Variants in TDRD1 observed in about 807,000 individuals in gnomAD.
TDRD1 encodes the protein tudor domain containing 1, also known as tudor domain-containing protein 1.
A neutral mutation model predicts 140.6 loss-of-function variants in TDRD1; 37 were observed. That is an observed-to-expected ratio of 0.26 (90% CI 0.20 to 0.35). TDRD1 has a LOEUF of 0.35. TDRD1 is among the 10% of genes least tolerant of loss of function. TDRD1 has a pLI of 1.00. For missense variants in TDRD1, 1,243 were observed against 1,393.0 expected (o/e 0.89, Z 1.71); for synonymous variants, 506 against 475.7 (o/e 1.06, Z -0.83).
In TDRD1 at chr10:114,227,959, A is replaced by G. The variant is rs769483544; in HGVS notation, c.3450+3A>G. 41 of 1,613,490 alleles carry G rather than the reference A, an allele frequency of 2.5e-5. No individual in the cohort carries two copies. Among genetic ancestry groups the G allele is most frequent in the Non-Finnish European group, 3.5e-5 (41 of 1,179,522 alleles). On this transcript the variant is annotated splice_donor_region_variant and intron_variant, in intron 24 of 25. Coordinates refer to ENST00000251864, the Ensembl canonical transcript of TDRD1. ...GCTGCACAGAGTTACAGAAACAAGT[A>G]GGTAAAATTTCCTTTAAGTGAAATT...
rs535740741 is a variant in TDRD1 at position 114,199,512 on chromosome 10, C to T, written c.529+195C>T. ...CTTCCCATTCTTCCTGCTTCCTCAG[C>T]GGATTATTATAGTTTTTTAGGGGAA... is the stretch of plus-strand genomic sequence containing the variant. On this transcript the variant is annotated intron_variant, in intron 4 of 25. Transcript: ENST00000251864. Among the ~76,000 whole-genome samples, 3 of 152,306 alleles carry T rather than the reference C, an allele frequency of 2.0e-5. No homozygotes were observed. The East Asian group carries it at 5.8e-4, about 29-fold the overall frequency.
intron 19 of TDRD1, 33 bp from the exon 20 acceptor site, chr10:114,221,324 T>G: frequency 6.2e-7 from 1 of 1,601,704 alleles, no homozygotes; most frequent in Non-Finnish European, 8.5e-7. Flanking sequence ...TTTTTTTTAT[T>G]CCGTGTGAGA....
At chr10:114,181,395 A>C (rs544515348) in intron 1 of TDRD1, among the ~76,000 whole-genome samples, 129 of 152,330 alleles carry the variant, frequency 8.5e-4, no homozygotes, top group African/African-American at 3.1e-3. Flanking sequence ...GTGCAGCAAT[A>C]ATCTGTCACA....
chr10:114,189,821 C>T (rs148897800), intron 2 of TDRD1, among the ~76,000 whole-genome samples: 4 of 152,224 alleles, frequency 2.6e-5, no homozygotes, highest in Admixed American at 6.5e-5. Flanking sequence ...CTGCATATAA[C>T]TCAATGAACC....
exon 15 of TDRD1, chr10:114,213,571 A>G (rs1355798275): frequency 1.2e-6 from 2 of 1,613,796 alleles, no homozygotes; most frequent in South Asian, 1.1e-5. Context: ...AAACCCAGTG[A>G]CGTGAAAGAA....
chr10:114,211,790 T>A (rs1315095168), intron 13 of TDRD1, 76 bp from the exon 14 acceptor site: 1 of 1,365,078 alleles, frequency 7.3e-7, no homozygotes, highest in Non-Finnish European at 9.7e-7. Flanking sequence ...TGACCATCTC[T>A]AAGTTGAGGA....
intron 11 of TDRD1, among the ~76,000 whole-genome samples, chr10:114,209,071 A>G (rs957888094): frequency 6.6e-6 from 1 of 152,020 alleles, no homozygotes; most frequent in African/African-American, 2.4e-5. Flanking sequence ...CGTGAGCCAC[A>G]CCTGGCCAGA....
At chr10:114,188,504 T>C (rs2033713246) in intron 2 of TDRD1, among the ~76,000 whole-genome samples, 1 of 152,230 alleles carries the variant, frequency 6.6e-6, no homozygotes, top group African/African-American at 2.4e-5. Context: ...CGCAAAGATA[T>C]AGCTAAGATT....
intron 21 of TDRD1, among the ~76,000 whole-genome samples, chr10:114,223,852 A>G (rs2036287220): frequency 6.6e-6 from 1 of 152,176 alleles, no homozygotes; most frequent in African/African-American, 2.4e-5. Context: ...ACATTACCAT[A>G]TTGGAGGCAT....
At chr10:114,203,461 T>C (rs2034894609) in exon 8 of TDRD1, 2 of 1,613,922 alleles carry the variant, frequency 1.2e-6, no homozygotes, top group Admixed American at 1.7e-5. Flanking sequence ...TTAGAATACA[T>C]GAACCAACTC....
intron 10 of TDRD1, 51 bp downstream of exon 10, chr10:114,204,944 C>T: frequency 1.4e-6 from 2 of 1,459,308 alleles, no homozygotes; most frequent in Non-Finnish European, 1.8e-6. Context: ...GTAGTTTCCA[C>T]CTGTTACTCA....
At chr10:114,227,484 C>T (rs1384225097) in intron 23 of TDRD1, among the ~76,000 whole-genome samples, 185 bp downstream of exon 23, 1 of 152,270 alleles carries the variant, frequency 6.6e-6, no homozygotes, top group Admixed American at 6.5e-5. Flanking sequence ...GGCAGTCCTC[C>T]GAGTCCAGAT....
chr10:114,199,209 A>C, exon 4 of TDRD1: 7 of 1,614,008 alleles, frequency 4.3e-6, no homozygotes, highest in Non-Finnish European at 5.9e-6. Flanking sequence ...AAAATCAAAA[A>C]AACTAAACAA....
At chr10:114,189,285 A>G (rs2033788024) in intron 2 of TDRD1, among the ~76,000 whole-genome samples, 1 of 152,190 alleles carries the variant, frequency 6.6e-6, no homozygotes, top group Non-Finnish European at 1.5e-5. Flanking sequence ...CCTGACTTTT[A>G]CCTTCTGAAG....
At chr10:114,226,274 A>G in intron 22 of TDRD1, 58 bp downstream of exon 22, 1 of 1,250,702 alleles carries the variant, frequency 8.0e-7, no homozygotes, top group South Asian at 1.4e-5. Flanking sequence ...TTTCCTCTTT[A>G]TGTTTCATAG....
At chr10:114,196,066 C>G (rs1337858274) in intron 3 of TDRD1, among the ~76,000 whole-genome samples, 1 of 152,218 alleles carries the variant, frequency 6.6e-6, no homozygotes, top group Admixed American at 6.5e-5. Flanking sequence ...AGAACGCCTT[C>G]AGACAGTTTA....
At chr10:114,226,920 T>C (rs1437633824) in intron 22 of TDRD1, 152 bp from the exon 23 acceptor site, 5 of 567,780 alleles carry the variant, frequency 8.8e-6, no homozygotes, top group Non-Finnish European at 1.6e-5. Flanking sequence ...TTGAATAAAT[T>C]TGTCTTTTGT....
intron 17 of TDRD1, 56 bp from the exon 18 acceptor site, chr10:114,218,358 T>G: frequency 7.9e-7 from 1 of 1,260,968 alleles, no homozygotes; most frequent in Non-Finnish European, 1.0e-6. Context: ...AGATAAGTAT[T>G]TCAAGTGTCG....
chr10:114,219,584 T>C (rs1479812426), intron 18 of TDRD1, among the ~76,000 whole-genome samples: 1 of 148,464 alleles, frequency 6.7e-6, no homozygotes, highest in Non-Finnish European at 1.5e-5. Context: ...TGTTCTTTTT[T>C]TAATTTTTTT....
Sources: allele counts gnomAD v4.1 joint callset (sites outside exome capture counted in the v4.1 genomes callset), GRCh38; gene constraint gnomAD v4.1.1; transcripts MANE v1.5; gene names NCBI Gene and HGNC (gene_info 2026-07-23, HGNC 2026-07-21).